PKP3: variants seen among roughly 807,000 people sequenced by gnomAD.
The protein encoded by PKP3 is plakophilin 3, also known as plakophilin-3.
A neutral mutation model predicts 76.5 loss-of-function variants in PKP3; 66 were observed. The ratio of observed to expected loss-of-function variants is 0.86; its 90% CI spans 0.71 to 1.06. The LOEUF (loss-of-function observed/expected upper bound fraction) is 1.06, where lower values mean the gene tolerates loss of function less well. Among genes scored for constraint, PKP3 ranks in the 50% least tolerant of loss-of-function variants. The pLI, the probability that PKP3 is intolerant of heterozygous loss-of-function variation, is 0.00. For missense variants in PKP3, 1,338 were observed against 1,141.0 expected, an observed-to-expected ratio of 1.17 and a Z score of -2.49; for synonymous variants, 638 against 516.5, an observed-to-expected ratio of 1.24 and a Z score of -3.19.
In PKP3 at chr11:404,253, C is replaced by T. The variant is rs1477608161; in HGVS notation, c.2288C>T (p.Ser763Phe). ...ACCCTCAGCCCCGACAGTGAGAAGT[C>T]CTCCCGGGCAGCATCCAGCCTCCTG... ...KKRDSPDSEK[S>F]SRAASSLLAN... The change falls in exon 12 of 13, where the codon TCC becomes TTC. Residue 763 changes from serine to phenylalanine, a missense_variant. Coordinates refer to ENST00000331563, the MANE Select transcript of PKP3 (RefSeq NM_007183.4). The surrounding 1 kb of genome is among the most constrained non-coding windows in gnomAD (Gnocchi z 4.2). The T allele has an allele frequency of 7.4e-6, 12 of 1,612,444 alleles. No homozygotes were observed. Among genetic ancestry groups the T allele is most frequent in the Non-Finnish European group, 1.0e-5 (12 of 1,179,808 alleles).
chr11:403,590 T>C (rs1847195420), intron 9 of PKP3, 28 bp from the exon 10 acceptor site: 1 of 1,596,206 alleles, frequency 6.3e-7, no homozygotes, highest in Non-Finnish European at 8.5e-7. Flanking sequence ...GGCCTCCGGG[T>C]CACGGCTCAC....
At position 399,207 on chromosome 11, in the gene PKP3, TCC is replaced by T; in HGVS notation, c.1273+14_1273+15del. The T allele has an allele frequency of 6.5e-7, 1 of 1,538,828 alleles. No individual in the cohort carries two copies. The highest frequency in any genetic ancestry group is 8.8e-7 in the Non-Finnish European group (1 of 1,137,572). Reference sequence around the variant, plus strand: ...GCAAAAATGTCACAGGTGCTGCCTGTCCCCTCCTCCACCTGTCCTTCCTCCAC... The same window carrying T: ...GCAAAAATGTCACAGGTGCTGCCTGTCCTCCTCCACCTGTCCTTCCTCCAC... On this transcript the variant is annotated intron_variant, in intron 5 of 12. Transcript: ENST00000331563.
intron 1 of PKP3, 169 bp from the exon 2 acceptor site, chr11:396,439 A>C (rs981357977): frequency 7.2e-6 from 4 of 554,530 alleles, no homozygotes; most frequent in South Asian, 2.4e-5. Context: ...GAGGAGACCA[A>C]GCCATGGCAG....
intron 4 of PKP3, 70 bp downstream of exon 4, chr11:397,732 T>G (rs9795299): frequency 0.74 from 1,112,192 of 1,494,278 alleles, 420,013 homozygotes; most frequent in East Asian, 1. Context: ...CCTCCCACTG[T>G]CCTCTGCTCA....
At position 398,908 on chromosome 11, in the gene PKP3, C is replaced by G. The variant is rs182337039; in HGVS notation, c.1069-84C>G. Reference sequence around the variant, plus strand: ...TGCATCCCCTGCATATCTACATCTACGCACCTGGACACAGCTGCACACAGG... The same window carrying G: ...TGCATCCCCTGCATATCTACATCTAGGCACCTGGACACAGCTGCACACAGG... On this transcript the variant is annotated intron_variant, in intron 4 of 12. Coordinates refer to ENST00000331563, the MANE Select transcript of PKP3 (RefSeq NM_007183.4). 140 of 1,066,326 alleles carry G rather than the reference C, an allele frequency of 1.3e-4. No homozygotes were observed. In the Middle Eastern group the frequency reaches 2.9e-3, roughly 22 times the overall value. The allele number at this position is 1,066,326 out of a possible 1,614,324, so 66.1% of individuals were successfully genotyped here. A position where few individuals can be genotyped will look rare whatever the true frequency, so the allele number is the denominator to read the frequency against.
chr11:396,100 G>A (rs1410158730), intron 1 of PKP3: 1 of 153,858 alleles, frequency 6.5e-6, no homozygotes, highest in Non-Finnish European at 1.4e-5. Context: ...TGTGGCCCCT[G>A]CCTCAGGCTC....
At position 403,780 on chromosome 11, in the gene PKP3, G is replaced by C. The variant is rs746521425; in HGVS notation, c.2077+9G>C. 3.7e-6 allele frequency: 6 copies of C among 1,604,654 alleles called. No homozygotes were observed. The East Asian group carries it at 1.3e-4, about 36-fold the overall frequency. On this transcript the variant is annotated intron_variant, in intron 10 of 12. Transcript: ENST00000331563. ...GAACAAGGACGAGATGTGTGAGTCGGGCAGCCCCTCGTCCCTGCCCTGCTG... is the reference window on the plus strand; with the variant it reads ...GAACAAGGACGAGATGTGTGAGTCGCGCAGCCCCTCGTCCCTGCCCTGCTG...
In PKP3 at chr11:404,699, T is replaced by C. The variant is rs1847227755; in HGVS notation, c.*130T>C. ...GGGGCCCCTCGCTGGGGCCCCTGTG[T>C]GCATCTTTGAGGGTCCTGGGCCACC... On this transcript the variant is annotated 3_prime_UTR_variant, in exon 13 of 13. Transcript: ENST00000331563. This position sits in a 1 kb window ranked among gnomAD's most constrained non-coding sequence, Gnocchi z 4.2. 1 of 821,274 alleles carries C rather than the reference T, an allele frequency of 1.2e-6. No individual in the cohort carries two copies. The highest frequency in any genetic ancestry group is 2.0e-6 in the Non-Finnish European group (1 of 504,928). 50.9% of individuals were successfully genotyped at this position (821,274 alleles called of 1,614,324 possible).
Position 398,986 on chromosome 11 carries a change from C to T in PKP3, c.1069-6C>T, listed in dbSNP as rs758438918. On this transcript the variant is annotated splice_region_variant and splice_polypyrimidine_tract_variant and intron_variant, in intron 4 of 12. Coordinates refer to ENST00000331563, the MANE Select transcript of PKP3 (RefSeq NM_007183.4). ...TCTGTGCACCCCCATATGCCTGTGC[C>T]CGCAGGCCCGCAGCCTTCAGGCCGT... The T allele has an allele frequency of 1.9e-6, 3 of 1,557,554 alleles. No individual in the cohort carries two copies. The Admixed American group carries it at 5.4e-5, about 28-fold the overall frequency.
At position 403,802 on chromosome 11, in the gene PKP3, G is replaced by T. The variant is rs191357191; in HGVS notation, c.2077+31G>T. 7.0e-4 allele frequency: 1,127 copies of T among 1,600,780 alleles called. 3 individuals carry two copies. The highest frequency in any genetic ancestry group is 1.8e-3 in the Admixed American group (110 of 59,980). On this transcript the variant is annotated intron_variant, in intron 10 of 12. Coordinates refer to ENST00000331563, the MANE Select transcript of PKP3 (RefSeq NM_007183.4). The stretch of plus-strand genomic sequence containing the variant: ...TCGGGCAGCCCCTCGTCCCTGCCCT[G>T]CTGGACCCACATGTCAATTTTGTCT...
At chr11:400,304 T>C in intron 6 of PKP3, 30 bp from the exon 7 acceptor site, 1 of 1,517,580 alleles carries the variant, frequency 6.6e-7, no homozygotes, top group Non-Finnish European at 8.9e-7. Context: ...GCGGGGTCCC[T>C]GGGGGGCTCT....
In PKP3 at chr11:396,606, A is replaced by G. The variant is rs1847047542; in HGVS notation, c.233-2A>G. Reference sequence around the variant, plus strand: ...CTGGGCTACCACCGTCCCTCTCCACAGGCACATCCAGGGGGCAGTACCACA... The same window carrying G: ...CTGGGCTACCACCGTCCCTCTCCACGGGCACATCCAGGGGGCAGTACCACA... On this transcript the variant is annotated splice_acceptor_variant, in intron 1 of 12. Transcript: ENST00000331563. LOFTEE classifies it high-confidence loss of function. The G allele has an allele frequency of 6.3e-7, 1 of 1,599,876 alleles. No individual in the cohort carries two copies. The highest frequency in any genetic ancestry group is 1.3e-5 in the African/African-American group (1 of 74,652).
chr11:403,041 C>T, intron 8 of PKP3, 37 bp from the exon 9 acceptor site: 1 of 1,022,118 alleles, frequency 9.8e-7, no homozygotes, highest in Non-Finnish European at 1.2e-6. Context: ...CCGACCCGCT[C>T]ACCCCGACCC....
At position 404,292 on chromosome 11, in the gene PKP3, A is replaced by G. The variant is rs1847216261; in HGVS notation, c.2327A>G (p.Gln776Arg). The G allele has an allele frequency of 1.9e-6, 3 of 1,612,640 alleles. No homozygotes were observed. Among genetic ancestry groups the G allele is most frequent in the Admixed American group, 1.7e-5 (1 of 60,022 alleles). Residue 776 changes from glutamine (Q) to arginine (R), a missense_variant, in exon 12 of 13, where the codon CAG becomes CGG. Physicochemically the swap from Gln to Arg is conservative, Grantham distance 43 (BLOSUM62 1). Coordinates refer to ENST00000331563, the MANE Select transcript of PKP3 (RefSeq NM_007183.4). This position sits in a 1 kb window ranked among gnomAD's most constrained non-coding sequence, Gnocchi z 4.2. ...AASSLLANLW[Q>R]YNKLHRDFRA... ...TCCAGCCTCCTGGCCAACCTGTGGCAGTACAACAAGCTCCACCGTGACTTC... is the reference window on the plus strand; with the variant it reads ...TCCAGCCTCCTGGCCAACCTGTGGCGGTACAACAAGCTCCACCGTGACTTC...
In PKP3 at chr11:400,123, A is replaced by G; in HGVS notation, c.1430A>G (p.Asn477Ser). Reference sequence around the variant, plus strand: ...GCCTCGGAGGCAGAGATCTTCTACAACGCCACCGGCTTCCTCAGGTGCGCC... The same window carrying G: ...GCCTCGGAGGCAGAGATCTTCTACAGCGCCACCGGCTTCCTCAGGTGCGCC... ...QNASEAEIFY[N>S]ATGFLRNLSS... Residue 477 changes from asparagine to serine, a missense_variant, in exon 6 of 13, where the codon AAC becomes AGC. By Grantham distance (46) the Asn-to-Ser change is conservative. Coordinates refer to ENST00000331563, the MANE Select transcript of PKP3 (RefSeq NM_007183.4). 1 of 1,567,358 alleles carries G rather than the reference A, an allele frequency of 6.4e-7. No individual in the cohort carries two copies. Among genetic ancestry groups the G allele is most frequent in the Non-Finnish European group, 8.6e-7 (1 of 1,160,394 alleles).
Position 403,167 on chromosome 11 carries a change from G to A in PKP3, c.1827G>A (p.Gly609=), listed in dbSNP as rs578241239. 9 of 1,587,688 alleles carry A rather than the reference G, an allele frequency of 5.7e-6. No homozygotes were observed. In the South Asian group the frequency reaches 9.1e-5, roughly 16 times the overall value. The change falls in exon 9 of 13, where the codon GGG becomes GGA. Residue 609 remains glycine, a synonymous_variant. Transcript: ENST00000331563. ...GGCTGTGGAGCCCCCAGATCGTGGGGCTGTACAACCGGCTGCTGCAGCGCT... is the reference window on the plus strand; with the variant it reads ...GGCTGTGGAGCCCCCAGATCGTGGGACTGTACAACCGGCTGCTGCAGCGCT... ...LEWLWSPQIV[G]LYNRLLQRCE... is the part of the protein sequence containing the mutation.
chr11:393,466 G>C (rs1847002138), upstream of PKP3: 1 of 152,182 alleles, frequency 6.6e-6, no homozygotes, highest in South Asian at 2.1e-4. Context: ...TGCAGGAGCA[G>C]TGGTGCCAGG....
Position 404,498 on chromosome 11 carries a change from A to C in PKP3, c.2359-36A>C, listed in dbSNP as rs1233864486. The stretch of plus-strand genomic sequence containing the variant: ...AGCGGGCAGAGGGCCACATGGGCAG[A>C]CATGCACCCTGACCTTGGGCCTCTC... On this transcript the variant is annotated intron_variant, in intron 12 of 12. Transcript: ENST00000331563. The surrounding 1 kb of genome is among the most constrained non-coding windows in gnomAD (Gnocchi z 4.2). 52 of 1,609,600 alleles carry C rather than the reference A, an allele frequency of 3.2e-5. No homozygotes were observed. Among genetic ancestry groups the C allele is most frequent in the Non-Finnish European group, 4.3e-5 (51 of 1,177,220 alleles).
Position 394,427 on chromosome 11 carries a change from C to T in PKP3, c.135C>T (p.Arg45=), listed in dbSNP as rs1847017228. 4.1e-6 allele frequency: 6 copies of T among 1,467,654 alleles called. No individual in the cohort carries two copies. Among genetic ancestry groups the T allele is most frequent in the African/African-American group, 1.5e-5 (1 of 67,586 alleles). 90.9% of individuals were successfully genotyped at this position (1,467,654 alleles called of 1,614,324 possible). ...GPEAERLRAA[R]VQEQVRARLL... is the part of the protein sequence containing the mutation. Reference sequence around the variant, plus strand: ...AGGCCGAGCGGCTGCGGGCAGCCCGCGTCCAGGAGCAGGTCCGCGCCCGCC... The same window carrying T: ...AGGCCGAGCGGCTGCGGGCAGCCCGTGTCCAGGAGCAGGTCCGCGCCCGCC... Residue 45 remains arginine (R), a synonymous_variant, in exon 1 of 13, where the codon CGC becomes CGT. Transcript: ENST00000331563.
Sources: allele counts gnomAD v4.1 joint callset, GRCh38; gene constraint gnomAD v4.1.1; non-coding constraint Gnocchi (gnomAD v3.1); transcripts MANE v1.5; gene names NCBI Gene and HGNC (gene_info 2026-07-23, HGNC 2026-07-21).